The following KIF21A variants were observed in gnomAD, a reference collection of about 807,000 sequenced individuals.
KIF21A encodes kinesin family member 21A, also known as kinesin-like protein KIF21A.
In KIF21A, 114 loss-of-function variants were observed where a neutral mutation model predicts 202.9. The ratio of observed to expected loss-of-function variants is 0.56; its 90% CI spans 0.48 to 0.66. The LOEUF (loss-of-function observed/expected upper bound fraction) is 0.66. KIF21A is among the 30% of genes least tolerant of loss of function. The probability of loss-of-function intolerance (pLI) is 0.00; values close to 1 mark genes in which losing one functional copy is unlikely to be tolerated. For synonymous variants in KIF21A, 667 were observed against 670.8 expected (o/e 0.99, Z 0.09); for missense variants, 1,677 against 1,994.9 (o/e 0.84, Z 3.04).
intron 26 of KIF21A, among the ~76,000 whole-genome samples, chr12:39,325,489 G>A (rs531399497): frequency 0.011 from 1,558 of 136,448 alleles, 36 homozygotes; most frequent in African/African-American, 0.04. Flanking sequence ...CTACCACCAC[G>A]CCCAGCTAAT....
At chr12:39,361,226 CT>C (rs1294913523) in intron 7 of KIF21A, among the ~76,000 whole-genome samples, 3 of 152,240 alleles carry the variant, frequency 2.0e-5, no homozygotes, top group Non-Finnish European at 1.5e-5. Flanking sequence ...ATCATGTCTG[CT>C]TTGTTTTATA....
intron 24 of KIF21A, among the ~76,000 whole-genome samples, chr12:39,328,390 C>A (rs985147561): frequency 6.6e-6 from 1 of 152,104 alleles, no homozygotes; most frequent in Non-Finnish European, 1.5e-5. Flanking sequence ...GAACTCTTAT[C>A]GTAGGGAGAG....
intron 17 of KIF21A, 75 bp from the exon 18 acceptor site, chr12:39,333,355 T>C: frequency 9.2e-7 from 1 of 1,091,500 alleles, no homozygotes; most frequent in Non-Finnish European, 1.4e-6. Context: ...ATGAATATAT[T>C]TCCCCATACC....
At chr12:39,337,515 C>T (rs1947084024) in intron 16 of KIF21A, 1 of 296,896 alleles carries the variant, frequency 3.4e-6, no homozygotes, top group East Asian at 8.2e-5. Context: ...CTTTACCTCT[C>T]TAGGCTTTGG....
rs1272865423 is a variant in KIF21A, at chr12:39,357,229, T to C, written c.1405+19A>G. On this transcript the variant is annotated intron_variant, in intron 9 of 37. Coordinates refer to ENST00000361418, the MANE Select transcript of KIF21A (RefSeq NM_001173464.2). ...CCTCCAGAAGTTAATCCCTCACTTA[T>C]CCCACCCTACCCACATACCTGCTCT... The C allele has an allele frequency of 1.2e-6, 2 of 1,611,880 alleles. No homozygotes were observed. Among genetic ancestry groups the C allele is most frequent in the Admixed American group, 1.7e-5 (1 of 59,996 alleles).
chr12:39,403,181 A>C lies in KIF21A; in HGVS notation c.45-32920T>G, dbSNP rs369561102. Among the ~76,000 whole-genome samples the C allele has an allele frequency of 2.4e-4, 36 of 152,280 alleles. 1 individual carries two copies. The South Asian group carries it at 7.2e-3, about 31-fold the overall frequency. ...CATTCATTTACCCATTTGTTCATTC[A>C]TCAAACCCTTGAACACCTGGGGGCT... On this transcript the variant is annotated intron_variant, in intron 1 of 37. Transcript: ENST00000361418.
In KIF21A at chr12:39,442,060, C is replaced by A. The variant is rs1173845931; in HGVS notation, c.44+867G>T. 6.6e-6 allele frequency among the ~76,000 whole-genome samples: 1 copy of A among 152,136 alleles called. No individual in the cohort carries two copies. Among genetic ancestry groups the A allele is most frequent in the Non-Finnish European group, 1.5e-5 (1 of 68,018 alleles). On this transcript the variant is annotated intron_variant, in intron 1 of 37. Transcript: ENST00000361418. The surrounding 1 kb of genome is among the most constrained non-coding windows in gnomAD (Gnocchi z 5.0). The stretch of plus-strand genomic sequence containing the variant: ...CTTTCCTTCTTGATAAGTATCAAAA[C>A]AGCCGAAATTACATCGAATACTCGT...
chr12:39,298,425 A>G (rs150880902), intron 37 of KIF21A, among the ~76,000 whole-genome samples: 27 of 152,190 alleles, frequency 1.8e-4, no homozygotes, highest in African/African-American at 6.0e-4. Flanking sequence ...ATATATTGAA[A>G]ACCTCCCAGA....
At chr12:39,406,508 C>T (rs117764538) in intron 1 of KIF21A, among the ~76,000 whole-genome samples, 5,094 of 152,304 alleles carry the variant, frequency 0.033, 130 homozygotes, top group Non-Finnish European at 0.049. Context: ...CCCACTAAAG[C>T]CATCCATGTC....
Position 39,318,090 on chromosome 12 carries a change from T to C in KIF21A, c.3891A>G (p.Thr1297=), listed in dbSNP as rs761425461. ...FNRLTVSQGN[T]SVQQDKSDES... is the part of the protein sequence containing the mutation. ...TGACTTACTTATCCTGCTGAACTGA[T>C]GTGTTTCCCTGAGAAACAGTAAGAC... Residue 1297 remains threonine, a synonymous_variant, in exon 29 of 38, where the codon ACA becomes ACG. Coordinates refer to ENST00000361418, the MANE Select transcript of KIF21A (RefSeq NM_001173464.2). 1 of 1,613,018 alleles carries C rather than the reference T, an allele frequency of 6.2e-7. No individual in the cohort carries two copies.
chr12:39,379,655 G>A (rs1950487966), intron 1 of KIF21A, among the ~76,000 whole-genome samples: 1 of 152,148 alleles, frequency 6.6e-6, no homozygotes, highest in Admixed American at 6.6e-5. Context: ...GGACATTAAG[G>A]GGAGGAGAGG....
At chr12:39,297,784 A>G (rs1942548167) in intron 37 of KIF21A, among the ~76,000 whole-genome samples, 1 of 151,592 alleles carries the variant, frequency 6.6e-6, no homozygotes, top group Non-Finnish European at 1.5e-5. Flanking sequence ...CCAAAATCAA[A>G]ATAAACAAGA....
intron 37 of KIF21A, among the ~76,000 whole-genome samples, chr12:39,299,116 G>A (rs61349877): frequency 0.064 from 9,691 of 151,980 alleles, 1,027 homozygotes; most frequent in African/African-American, 0.22. Flanking sequence ...AGTAAGCTGA[G>A]AAAAAGTTTA....
intron 1 of KIF21A, among the ~76,000 whole-genome samples, chr12:39,426,374 C>T (rs1249298202): frequency 6.6e-6 from 1 of 151,826 alleles, no homozygotes. Flanking sequence ...GATGAACAGT[C>T]GTCAATAAAT....
chr12:39,407,474 C>T (rs891419969), intron 1 of KIF21A, among the ~76,000 whole-genome samples: 9 of 152,174 alleles, frequency 5.9e-5, no homozygotes, highest in African/African-American at 2.2e-4. Flanking sequence ...AAGACATTAA[C>T]AACTTATCAT....
intron 1 of KIF21A, among the ~76,000 whole-genome samples, chr12:39,427,092 A>G (rs944637551): frequency 2.0e-5 from 3 of 152,114 alleles, no homozygotes; most frequent in African/African-American, 7.2e-5. Flanking sequence ...CAAAACCCCT[A>G]TCTGAATCAT....
intron 37 of KIF21A, 87 bp downstream of exon 37, chr12:39,301,393 A>G: frequency 9.7e-7 from 1 of 1,033,810 alleles, no homozygotes; most frequent in Admixed American, 1.7e-5. Context: ...GATTTTGTAT[A>G]TTCAACGTTT....
intron 1 of KIF21A, among the ~76,000 whole-genome samples, chr12:39,372,531 C>G (rs567716173): frequency 6.6e-6 from 1 of 152,080 alleles, no homozygotes. Flanking sequence ...TCCAAGATTG[C>G]TTTTAGATCT....
At chr12:39,309,831 A>G (rs1943846996) in intron 32 of KIF21A, 65 bp from the exon 33 acceptor site, 1 of 1,284,296 alleles carries the variant, frequency 7.8e-7, no homozygotes, top group African/African-American at 1.5e-5. Flanking sequence ...TCTCTTAACA[A>G]TAAAAATTAT....
Sources: allele counts gnomAD v4.1 joint callset (sites outside exome capture counted in the v4.1 genomes callset), GRCh38; gene constraint gnomAD v4.1.1; non-coding constraint Gnocchi (gnomAD v3.1); transcripts MANE v1.5; gene names NCBI Gene and HGNC (gene_info 2026-07-23, HGNC 2026-07-21).